Variants in KCNIP4 observed in about 807,000 individuals in gnomAD.
KCNIP4 encodes Kv channel-interacting protein 4.
KCNIP4 carries 12 observed loss-of-function variants against 34.0 expected under a neutral mutation model. That is an observed-to-expected ratio of 0.35 (90% CI 0.23 to 0.57). The LOEUF (loss-of-function observed/expected upper bound fraction) is 0.57. KCNIP4 is among the 20% of genes least tolerant of loss of function. The pLI, the probability that KCNIP4 is intolerant of heterozygous loss-of-function variation, is 0.83. For missense variants in KCNIP4, 238 were observed against 311.7 expected (o/e 0.76, Z 1.78); for synonymous variants, 124 against 102.2 (o/e 1.21, Z -1.29).
At chr4:20,766,016 T>C (rs1004416387) in intron 3 of KCNIP4, among the ~76,000 whole-genome samples, 2 of 152,202 alleles carry the variant, frequency 1.3e-5, no homozygotes, top group African/African-American at 4.8e-5. Flanking sequence ...TTTATTGGTA[T>C]TGATATTTTA....
At position 21,066,941 on chromosome 4, in the gene KCNIP4, C is replaced by T. The variant is rs565509750; in HGVS notation, c.62-184232G>A. On this transcript the variant is annotated intron_variant, in intron 1 of 8. Coordinates refer to ENST00000382152, the MANE Select transcript of KCNIP4 (RefSeq NM_025221.6). ...CCGGGATGCATGAGGGATGCTTGCACCAACCCTCCTCAACCCTAGGCAGTA... is the reference window on the plus strand; with the variant it reads ...CCGGGATGCATGAGGGATGCTTGCATCAACCCTCCTCAACCCTAGGCAGTA... 2.6e-5 allele frequency among the ~76,000 whole-genome samples: 4 copies of T among 152,188 alleles called. No homozygotes were observed. In the South Asian group the frequency reaches 8.3e-4, roughly 32 times the overall value.
chr4:21,131,357 T>A (rs1751055628), intron 1 of KCNIP4, among the ~76,000 whole-genome samples: 1 of 152,120 alleles, frequency 6.6e-6, no homozygotes, highest in Non-Finnish European at 1.5e-5. Context: ...AAAAGCAATC[T>A]CTTCTTTAGA....
At chr4:20,801,491 A>C (rs968908189) in intron 3 of KCNIP4, among the ~76,000 whole-genome samples, 1 of 152,110 alleles carries the variant, frequency 6.6e-6, no homozygotes, top group South Asian at 2.1e-4. Flanking sequence ...TACAGCTACA[A>C]TAAGTTGTTA....
chr4:21,259,885 C>CTGTGTGTGTGTGTGTGTGTGTGTGTG (rs4054880), intron 1 of KCNIP4, among the ~76,000 whole-genome samples: 2 of 145,904 alleles, frequency 1.4e-5, no homozygotes, highest in African/African-American at 2.5e-5. Flanking sequence ...GCGCCCAAGA[C>CTGTGTGTGTGTGTGTGTGTGTGTGTG]TGTGTGTGTG....
chr4:21,821,297 C>G (rs1334815920), intron 1 of KCNIP4, among the ~76,000 whole-genome samples: 1 of 152,134 alleles, frequency 6.6e-6, no homozygotes, highest in African/African-American at 2.4e-5. Flanking sequence ...ATCTCTTACT[C>G]TAAGACCAAA....
At chr4:21,453,837 C>A (rs564476988) in intron 1 of KCNIP4, among the ~76,000 whole-genome samples, 2 of 152,078 alleles carry the variant, frequency 1.3e-5, no homozygotes, top group South Asian at 4.1e-4. Flanking sequence ...AGCAGTGCTG[C>A]GTGATGGCTG....
chr4:21,648,120 G>GC (rs1321220052), intron 1 of KCNIP4, among the ~76,000 whole-genome samples: 3 of 151,778 alleles, frequency 2.0e-5, no homozygotes, highest in African/African-American at 7.3e-5. Context: ...TGATCCGCCT[G>GC]CCTCGGCCTC....
intron 1 of KCNIP4, among the ~76,000 whole-genome samples, chr4:20,966,137 T>C (rs1474095785): frequency 2.0e-5 from 3 of 152,204 alleles, no homozygotes; most frequent in Non-Finnish European, 4.4e-5. Flanking sequence ...AAGATAGATG[T>C]AGGATTTGGA....
At chr4:21,702,993 A>C (rs1712979027) in intron 1 of KCNIP4, among the ~76,000 whole-genome samples, 1 of 152,006 alleles carries the variant, frequency 6.6e-6, no homozygotes, top group Admixed American at 6.6e-5. Flanking sequence ...CCCCCCACAA[A>C]AAAAAATCAC....
chr4:21,525,609 A>G (rs1038398259), intron 1 of KCNIP4, among the ~76,000 whole-genome samples: 2 of 151,900 alleles, frequency 1.3e-5, no homozygotes, highest in African/African-American at 4.8e-5. Context: ...TTGTTTTTTT[A>G]TTTAAAGGAT....
rs1211392655 is a variant in KCNIP4 at position 21,714,874 on chromosome 4, ATT to A, written c.61+233695_61+233696del. Among the ~76,000 whole-genome samples, 3 of 470 alleles carry A rather than the reference ATT, an allele frequency of 6.4e-3. 1 individual carries two copies. Among genetic ancestry groups the A allele is most frequent in the African/African-American group, 0.071 (2 of 28 alleles). 0.3% of individuals were successfully genotyped at this position (470 alleles called of 152,430 possible). A position where few individuals can be genotyped will look rare whatever the true frequency, so the allele number is the denominator to read the frequency against. On this transcript the variant is annotated intron_variant, in intron 1 of 8. Transcript: ENST00000382152. ...ATTTTATTTTATTTTATTTTATTTTATTTTATTTTATTTTATTTTATTTTATT... is the reference window on the plus strand; with the variant it reads ...ATTTTATTTTATTTTATTTTATTTTATTATTTTATTTTATTTTATTTTATT...
intron 3 of KCNIP4, among the ~76,000 whole-genome samples, chr4:20,798,426 G>T (rs1713764497): frequency 6.6e-6 from 1 of 151,942 alleles, no homozygotes; most frequent in African/African-American, 2.4e-5. Flanking sequence ...TGTCTCACAG[G>T]CTTATTGAAA....
intron 1 of KCNIP4, among the ~76,000 whole-genome samples, chr4:21,694,734 T>C (rs1712069511): frequency 6.6e-6 from 1 of 151,924 alleles, no homozygotes. Context: ...ATAAGACAAA[T>C]TGAAGGAAAG....
chr4:21,576,189 T>A (rs1191458066), intron 1 of KCNIP4, among the ~76,000 whole-genome samples: 1 of 152,140 alleles, frequency 6.6e-6, no homozygotes, highest in Non-Finnish European at 1.5e-5. Context: ...AAGCCTAAAT[T>A]TTTTAGTGGT....
chr4:21,205,875 C>T (rs1347026254), intron 1 of KCNIP4, among the ~76,000 whole-genome samples: 2 of 152,204 alleles, frequency 1.3e-5, no homozygotes, highest in African/African-American at 2.4e-5. Context: ...TGGTTAATCA[C>T]TGTACAAATG....
At chr4:20,997,595 A>G (rs6448007) in intron 1 of KCNIP4, among the ~76,000 whole-genome samples, 71,333 of 151,572 alleles carry the variant, frequency 0.47, 17,886 homozygotes, top group African/African-American at 0.65. Flanking sequence ...GACGCTGTGA[A>G]TGACCTGCAG....
At chr4:21,401,038 G>A (rs556238925) in intron 1 of KCNIP4, among the ~76,000 whole-genome samples, 91 of 152,190 alleles carry the variant, frequency 6.0e-4, no homozygotes, top group Non-Finnish European at 9.6e-4. Flanking sequence ...GTGGGGGCCC[G>A]TAATCCTAGC....
At chr4:20,735,887 A>G (rs1297707004) in intron 5 of KCNIP4, among the ~76,000 whole-genome samples, 1 of 152,150 alleles carries the variant, frequency 6.6e-6, no homozygotes, top group Non-Finnish European at 1.5e-5. Flanking sequence ...TGCTGTATTC[A>G]GTTTATAATC....
intron 1 of KCNIP4, among the ~76,000 whole-genome samples, chr4:21,037,513 A>G (rs1262638056): frequency 6.6e-6 from 1 of 152,228 alleles, no homozygotes. Flanking sequence ...GGGCTATATC[A>G]TATAGCCTAA....
Sources: allele counts gnomAD v4.1 joint callset (sites outside exome capture counted in the v4.1 genomes callset), GRCh38; gene constraint gnomAD v4.1.1; transcripts MANE v1.5; gene names NCBI Gene and HGNC (gene_info 2026-07-23, HGNC 2026-07-21).